Variants in ARID1B observed in about 807,000 individuals in gnomAD.
ARID1B encodes the protein AT-rich interaction domain 1B.
In ARID1B, 30 loss-of-function variants were observed where a neutral mutation model predicts 212.3. The observed-to-expected ratio is 0.14, with a 90% confidence interval of 0.11 to 0.19. The LOEUF (loss-of-function observed/expected upper bound fraction) is 0.19. Ranked by LOEUF, ARID1B falls within the 10% of genes least tolerant of loss-of-function variation. The pLI, the probability that ARID1B is intolerant of heterozygous loss-of-function variation, is 1.00. For synonymous variants in ARID1B, 1,402 were observed against 1,301.7 expected (o/e 1.08, Z -1.66); for missense variants, 2,891 against 3,204.0 (o/e 0.90, Z 2.36).
chr6:157,167,224 T>TCCCCTCTCCTC (rs749272603), intron 9 of ARID1B, 39 bp downstream of exon 9: 2 of 1,582,168 alleles, frequency 1.3e-6, no homozygotes, highest in Non-Finnish European at 1.7e-6. Flanking sequence ...CCCCTCTCTC[T>TCCCCTCTCCTC]CCCCTCTCCT....
At chr6:157,061,811 A>AT (rs1783359751) in intron 4 of ARID1B, among the ~76,000 whole-genome samples, 1 of 152,130 alleles carries the variant, frequency 6.6e-6, no homozygotes, top group Non-Finnish European at 1.5e-5. Flanking sequence ...CCCTTTGTGT[A>AT]TTTTTTCACA....
chr6:157,035,630 A>G (rs1397762040), intron 4 of ARID1B, among the ~76,000 whole-genome samples: 1 of 152,248 alleles, frequency 6.6e-6, no homozygotes, highest in African/African-American at 2.4e-5. Context: ...AATTGATCCA[A>G]CATTTCAGTC....
chr6:157,150,951 C>G (rs564378475), intron 8 of ARID1B: 2 of 170,312 alleles, frequency 1.2e-5, no homozygotes, highest in East Asian at 2.2e-4. Flanking sequence ...ACACCCAAAC[C>G]AAGAAAGCGA....
intron 4 of ARID1B, among the ~76,000 whole-genome samples, chr6:156,997,362 C>T (rs1205396288): frequency 6.6e-6 from 1 of 152,182 alleles, no homozygotes; most frequent in African/African-American, 2.4e-5. Flanking sequence ...ATTTCCTATT[C>T]TGTAAATAAA....
At chr6:157,179,752 G>A (rs968020247) in intron 11 of ARID1B, among the ~76,000 whole-genome samples, 1 of 152,180 alleles carries the variant, frequency 6.6e-6, no homozygotes, top group Non-Finnish European at 1.5e-5. Context: ...GAAAGCGGCG[G>A]CCTCACATGC....
At chr6:156,784,883 G>T (rs751422632) in intron 1 of ARID1B, among the ~76,000 whole-genome samples, 1 of 152,032 alleles carries the variant, frequency 6.6e-6, no homozygotes, top group Non-Finnish European at 1.5e-5. Flanking sequence ...CCTCAGCCCC[G>T]CAAGCAGCTG....
Position 156,831,220 on chromosome 6 carries a change from T to C in ARID1B, c.1986+1799T>C, listed in dbSNP as rs1783116524. ...GAAGACAGCCCAGGCAGCTGGCTGC[T>C]CAAGTCCCCATCGCACTCTGTTGCT... On this transcript the variant is annotated intron_variant, in intron 2 of 19. Coordinates refer to ENST00000636930, the MANE Select transcript of ARID1B (RefSeq NM_001374828.1). Among the ~76,000 whole-genome samples, 4 of 152,240 alleles carry C rather than the reference T, an allele frequency of 2.6e-5. No homozygotes were observed. The South Asian group carries it at 8.3e-4, about 32-fold the overall frequency.
intron 2 of ARID1B, among the ~76,000 whole-genome samples, chr6:156,876,389 T>C (rs1197582651): frequency 1.3e-5 from 2 of 152,126 alleles, no homozygotes; most frequent in Non-Finnish European, 2.9e-5. Flanking sequence ...CTGTGTAGGC[T>C]CAGCTGTCTC....
chr6:156,949,318 A>G (rs1417918433), intron 4 of ARID1B, among the ~76,000 whole-genome samples: 1 of 152,216 alleles, frequency 6.6e-6, no homozygotes, highest in Non-Finnish European at 1.5e-5. Context: ...TTTGACAAAG[A>G]ACATTTCACA....
intron 3 of ARID1B, among the ~76,000 whole-genome samples, chr6:156,917,931 A>T (rs184838093): frequency 6.6e-6 from 1 of 152,124 alleles, no homozygotes; most frequent in Admixed American, 6.5e-5. Flanking sequence ...TTGGTCAGCA[A>T]TTTTTAAAAG....
At chr6:156,978,730 AT>A (rs1252129579) in intron 4 of ARID1B, among the ~76,000 whole-genome samples, 1 of 152,224 alleles carries the variant, frequency 6.6e-6, no homozygotes, top group African/African-American at 2.4e-5. Flanking sequence ...TGTTAGTATG[AT>A]TCAAAAGAGA....
At chr6:157,105,648 C>T (rs1321729827) in intron 5 of ARID1B, among the ~76,000 whole-genome samples, 1 of 152,178 alleles carries the variant, frequency 6.6e-6, no homozygotes, top group Non-Finnish European at 1.5e-5. Context: ...GTCGCCCAGG[C>T]TGGAGTGCAG....
intron 7 of ARID1B, among the ~76,000 whole-genome samples, chr6:157,143,508 G>C (rs1387201953): frequency 1.3e-5 from 2 of 151,930 alleles, no homozygotes; most frequent in African/African-American, 4.8e-5. Flanking sequence ...TGTTAGTGAT[G>C]TTGTTATGGC....
At chr6:156,951,074 A>G (rs1002336682) in intron 4 of ARID1B, among the ~76,000 whole-genome samples, 1 of 152,216 alleles carries the variant, frequency 6.6e-6, no homozygotes, top group African/African-American at 2.4e-5. Flanking sequence ...GTATTCTTTC[A>G]ACATGTATCC....
chr6:156,890,403 A>G (rs1787833268), intron 2 of ARID1B, among the ~76,000 whole-genome samples: 2 of 152,254 alleles, frequency 1.3e-5, no homozygotes, highest in South Asian at 4.1e-4. Flanking sequence ...ACTGATAAAA[A>G]ATGAGAACTT....
chr6:157,108,986 C>CTTTA (rs1443214066), intron 5 of ARID1B, among the ~76,000 whole-genome samples: 2 of 152,144 alleles, frequency 1.3e-5, no homozygotes, highest in Admixed American at 6.5e-5. Flanking sequence ...AAAGCCTAAA[C>CTTTA]CCCTGAAAAC....
chr6:156,860,766 C>G (rs966456981), intron 2 of ARID1B, among the ~76,000 whole-genome samples: 4 of 152,184 alleles, frequency 2.6e-5, no homozygotes, highest in African/African-American at 9.7e-5. Flanking sequence ...TTTTGAGGAA[C>G]AGCGTTTTAT....
rs544456770 is a variant in ARID1B, at chr6:157,079,773, T to G, written c.2248-4889T>G. On this transcript the variant is annotated intron_variant, in intron 4 of 19. Coordinates refer to ENST00000636930, the MANE Select transcript of ARID1B (RefSeq NM_001374828.1). ...TTTAGTGATATTTACCGATGAACAA[T>G]CATATCCATTTTGTCTTTAGCACCG... is the stretch of plus-strand genomic sequence containing the variant. Among the ~76,000 whole-genome samples, 113 of 152,326 alleles carry G rather than the reference T, an allele frequency of 7.4e-4. 2 individuals are homozygous for G. The highest frequency in any genetic ancestry group is 1.7e-3 in the South Asian group (8 of 4,828).
At chr6:156,803,678 C>T (rs1417803601) in intron 1 of ARID1B, among the ~76,000 whole-genome samples, 1 of 150,468 alleles carries the variant, frequency 6.6e-6, no homozygotes, top group Admixed American at 6.6e-5. Context: ...TTCTTCCTGC[C>T]CCTCCACAGC....
Sources: allele counts gnomAD v4.1 joint callset (sites outside exome capture counted in the v4.1 genomes callset), GRCh38; gene constraint gnomAD v4.1.1; transcripts MANE v1.5; gene names NCBI Gene and HGNC (gene_info 2026-07-23, HGNC 2026-07-21).